Variants in TBC1D5 observed in about 807,000 individuals in gnomAD.
TBC1D5 encodes TBC1 domain family, member 5.
TBC1D5 carries 75 observed loss-of-function variants against 100.3 expected under a neutral mutation model. The observed-to-expected ratio is 0.75, with a 90% CI of 0.62 to 0.91. The LOEUF is 0.91. TBC1D5 is among the 40% of genes least tolerant of loss of function. The probability of loss-of-function intolerance (pLI) is 0.00; values close to 1 mark genes in which losing one functional copy is unlikely to be tolerated. For missense variants in TBC1D5, 910 were observed against 942.4 expected, an observed-to-expected ratio of 0.97 and a Z score of 0.45; for synonymous variants, 323 against 325.6, an observed-to-expected ratio of 0.99 and a Z score of 0.09.
intron 2 of TBC1D5, among the ~76,000 whole-genome samples, chr3:17,602,973 A>G (rs914489287): frequency 6.6e-6 from 1 of 152,126 alleles, no homozygotes; most frequent in Non-Finnish European, 1.5e-5. Flanking sequence ...CCTCACTAGT[A>G]TAAATGTGGA....
intron 17 of TBC1D5, among the ~76,000 whole-genome samples, chr3:17,228,389 T>A (rs555539289): frequency 6.6e-6 from 1 of 152,284 alleles, no homozygotes; most frequent in Admixed American, 6.5e-5. Context: ...TCCGTAGACA[T>A]AAACCATGTC....
At chr3:17,597,724 C>T (rs1358421401) in intron 2 of TBC1D5, among the ~76,000 whole-genome samples, 1 of 152,124 alleles carries the variant, frequency 6.6e-6, no homozygotes, top group Non-Finnish European at 1.5e-5. Context: ...TAGTATATAA[C>T]ATATTTTTGT....
chr3:17,197,453 C>A (rs188050735), intron 18 of TBC1D5, among the ~76,000 whole-genome samples: 4 of 152,166 alleles, frequency 2.6e-5, no homozygotes, highest in Admixed American at 2.6e-4. Flanking sequence ...CATGGCTCAT[C>A]GCAGCCCTGA....
chr3:17,588,805 T>C (rs1436148559), intron 2 of TBC1D5, among the ~76,000 whole-genome samples: 1 of 152,212 alleles, frequency 6.6e-6, no homozygotes, highest in Non-Finnish European at 1.5e-5. Context: ...ATAGTCAGAC[T>C]AGCAGTAAAT....
chr3:17,514,619 T>TA (rs144471724), intron 2 of TBC1D5, among the ~76,000 whole-genome samples: 10,487 of 152,202 alleles, frequency 0.069, 705 homozygotes, highest in African/African-American at 0.18. Flanking sequence ...ATGCAGAATA[T>TA]GAGAGGTTCA....
chr3:17,197,031 T>C (rs560240008), intron 18 of TBC1D5, among the ~76,000 whole-genome samples: 1 of 152,154 alleles, frequency 6.6e-6, no homozygotes, highest in Non-Finnish European at 1.5e-5. Flanking sequence ...AATGCCTACA[T>C]GCATGCAACA....
chr3:17,285,405 C>T (rs1015730698), intron 15 of TBC1D5, among the ~76,000 whole-genome samples: 2 of 151,104 alleles, frequency 1.3e-5, no homozygotes, highest in African/African-American at 2.4e-5. Context: ...GGACTACAGG[C>T]GCCCGCTACC....
At chr3:17,344,420 TACAA>T (rs1559679910) in intron 13 of TBC1D5, among the ~76,000 whole-genome samples, 1 of 151,690 alleles carries the variant, frequency 6.6e-6, no homozygotes, top group Non-Finnish European at 1.5e-5. Flanking sequence ...TAAAAGAGGA[TACAA>T]ACAAATGGAA....
At chr3:17,544,623 C>T (rs924572372) in intron 2 of TBC1D5, among the ~76,000 whole-genome samples, 4 of 144,598 alleles carry the variant, frequency 2.8e-5, no homozygotes, top group African/African-American at 1.1e-4. Context: ...TGCACTACAA[C>T]CTGGGCGACA....
At chr3:17,496,562 A>C (rs1367456392) in intron 3 of TBC1D5, among the ~76,000 whole-genome samples, 1 of 152,188 alleles carries the variant, frequency 6.6e-6, no homozygotes, top group Non-Finnish European at 1.5e-5. Context: ...ACCATATAGA[A>C]AGAACTGAGC....
intron 1 of TBC1D5, among the ~76,000 whole-genome samples, chr3:17,689,388 A>C (rs1466739577): frequency 6.6e-6 from 1 of 151,998 alleles, no homozygotes; most frequent in Non-Finnish European, 1.5e-5. Flanking sequence ...AAATACAAAA[A>C]ATTAGCTAGG....
rs76933823 is a variant in TBC1D5 at position 17,639,687 on chromosome 3, G to A, written c.-100-15774C>T. Among the ~76,000 whole-genome samples, 521 of 152,218 alleles carry A rather than the reference G, an allele frequency of 3.4e-3. 3 individuals are homozygous for A. The highest frequency in any genetic ancestry group is 0.012 in the African/African-American group (506 of 41,546). Reference sequence around the variant, plus strand: ...TGTCACAATAAATTCAAGTGTGTCTGAGTACGCTTTGAAGGTCACTAAACT... The same window carrying A: ...TGTCACAATAAATTCAAGTGTGTCTAAGTACGCTTTGAAGGTCACTAAACT... On this transcript the variant is annotated intron_variant, in intron 1 of 21. Coordinates refer to ENST00000253692, the Ensembl canonical transcript of TBC1D5.
intron 8 of TBC1D5, among the ~76,000 whole-genome samples, chr3:17,401,644 G>A (rs767150689): frequency 6.6e-6 from 1 of 151,754 alleles, no homozygotes; most frequent in Non-Finnish European, 1.5e-5. Context: ...TCTGTGACTC[G>A]GCACCAGCGC....
intron 21 of TBC1D5, among the ~76,000 whole-genome samples, chr3:17,165,185 C>G (rs2066468252): frequency 6.6e-6 from 1 of 152,172 alleles, no homozygotes; most frequent in African/African-American, 2.4e-5. Flanking sequence ...GTGGGGTCCA[C>G]CGGGGCAGCA....
intron 8 of TBC1D5, among the ~76,000 whole-genome samples, chr3:17,398,026 A>G (rs2152387942): frequency 6.6e-6 from 1 of 152,292 alleles, no homozygotes; most frequent in Middle Eastern, 3.4e-3. Flanking sequence ...GATAGACCAA[A>G]TAACATACTT....
intron 13 of TBC1D5, among the ~76,000 whole-genome samples, chr3:17,339,980 A>G (rs2088605472): frequency 6.7e-6 from 1 of 149,992 alleles, no homozygotes; most frequent in Non-Finnish European, 1.5e-5. Context: ...TAATTAGCTA[A>G]TTAATTAATT....
At chr3:17,558,010 T>C (rs988499109) in intron 2 of TBC1D5, among the ~76,000 whole-genome samples, 3 of 152,194 alleles carry the variant, frequency 2.0e-5, no homozygotes, top group South Asian at 2.1e-4. Flanking sequence ...GTAACCCATA[T>C]GCATGGTTTA....
intron 19 of TBC1D5, among the ~76,000 whole-genome samples, chr3:17,174,524 T>C (rs1000803095): frequency 4.6e-5 from 7 of 152,296 alleles, no homozygotes; most frequent in Non-Finnish European, 8.8e-5. Flanking sequence ...CTTTTACATA[T>C]ACATTGAACT....
At chr3:17,372,124 G>A in exon 13 of TBC1D5, 4 of 1,613,684 alleles carry the variant, frequency 2.5e-6, no homozygotes, top group Non-Finnish European at 3.4e-6. Flanking sequence ...TGCATGTAAA[G>A]CTCAATATCA....
Sources: allele counts gnomAD v4.1 joint callset (sites outside exome capture counted in the v4.1 genomes callset), GRCh38; gene constraint gnomAD v4.1.1; transcripts MANE v1.5; gene names NCBI Gene and HGNC (gene_info 2026-07-23, HGNC 2026-07-21).